ERI1: variants seen among roughly 807,000 people sequenced by gnomAD.
ERI1 encodes the protein 3'-5' exoribonuclease 1.
Under a neutral mutation model 39.7 loss-of-function variants are expected in ERI1, and 39 were observed. That is an observed-to-expected ratio of 0.98 (90% CI 0.76 to 1.28). The LOEUF is 1.28. Among genes scored for constraint, ERI1 ranks in the 50% most tolerant of loss-of-function variants. The pLI is 0.00. For synonymous variants in ERI1, 204 were observed against 149.6 expected (o/e 1.36, Z -2.65); for missense variants, 581 against 416.9 (o/e 1.39, Z -3.43).
At chr8:9,049,635 G>T (rs1447969875) in intron 3 of ERI1, among the ~76,000 whole-genome samples, 1 of 151,974 alleles carries the variant, frequency 6.6e-6, no homozygotes, top group Non-Finnish European at 1.5e-5. Context: ...ATACTTAAAG[G>T]AGTTAAACAA....
intron 3 of ERI1, among the ~76,000 whole-genome samples, chr8:9,097,844 TA>T (rs1376593750): frequency 2.0e-5 from 3 of 151,026 alleles, no homozygotes; most frequent in African/African-American, 7.3e-5. Flanking sequence ...TTTTGTTAAT[TA>T]AAAAAAAATG....
intron 6 of ERI1, 45 bp from the exon 7 acceptor site, chr8:9,029,747 G>C: frequency 1.2e-6 from 2 of 1,609,954 alleles, no homozygotes; most frequent in South Asian, 2.2e-5. Context: ...TTATATTACA[G>C]TTTAGAACAC....
chr8:9,029,046 C>G (rs1178051106), intron 6 of ERI1, among the ~76,000 whole-genome samples: 7 of 146,050 alleles, frequency 4.8e-5, no homozygotes, highest in African/African-American at 1.8e-4. Context: ...TACCACACCA[C>G]ATCGTCTTTC....
chr8:9,045,644 A>C (rs1798150294), intron 3 of ERI1, among the ~76,000 whole-genome samples: 1 of 151,902 alleles, frequency 6.6e-6, no homozygotes, highest in Non-Finnish European at 1.5e-5. Flanking sequence ...TTAAAATATA[A>C]ATAAATCTAA....
intron 3 of ERI1, among the ~76,000 whole-genome samples, chr8:9,071,126 G>C (rs1213337463): frequency 6.6e-6 from 1 of 152,132 alleles, no homozygotes; most frequent in Non-Finnish European, 1.5e-5. Context: ...TATTGAACTC[G>C]CAAGGGAAAG....
intron 3 of ERI1, among the ~76,000 whole-genome samples, chr8:9,088,774 C>G (rs781264648): frequency 4.6e-5 from 7 of 152,194 alleles, no homozygotes; most frequent in Non-Finnish European, 1.0e-4. Flanking sequence ...GAGAATCCAC[C>G]TCATTGCTCA....
intron 3 of ERI1, 82 bp downstream of exon 3, chr8:9,011,834 C>G: frequency 1.9e-6 from 2 of 1,026,696 alleles, no homozygotes; most frequent in Non-Finnish European, 2.7e-6. Flanking sequence ...ACCTCATTTG[C>G]TTTTTAGCCA....
intron 3 of ERI1, among the ~76,000 whole-genome samples, chr8:9,055,292 C>G (rs1798472439): frequency 6.6e-6 from 1 of 152,170 alleles, no homozygotes. Flanking sequence ...AGACTACAGT[C>G]TATTTACAAC....
At chr8:9,039,434 G>T (rs1797950845) in intron 3 of ERI1, among the ~76,000 whole-genome samples, 1 of 152,248 alleles carries the variant, frequency 6.6e-6, no homozygotes, top group African/African-American at 2.4e-5. Context: ...AATTCAGGTT[G>T]TGTTACTGAA....
intron 3 of ERI1, among the ~76,000 whole-genome samples, chr8:9,046,823 C>T (rs1307994866): frequency 4.6e-5 from 7 of 152,164 alleles, no homozygotes; most frequent in Non-Finnish European, 1.0e-4. Context: ...ACAAGCAGGG[C>T]CCACATCGGC....
chr8:9,082,734 A>G (rs1401885870), intron 3 of ERI1, among the ~76,000 whole-genome samples: 1 of 152,196 alleles, frequency 6.6e-6, no homozygotes, highest in Non-Finnish European at 1.5e-5. Flanking sequence ...GTCGGACAGA[A>G]AGTCCACCCT....
chr8:9,050,813 C>T (rs1009764661), intron 3 of ERI1, among the ~76,000 whole-genome samples: 7 of 152,088 alleles, frequency 4.6e-5, no homozygotes, highest in Non-Finnish European at 1.0e-4. Context: ...CTTCTTTATG[C>T]AATAAAAATA....
intron 6 of ERI1, among the ~76,000 whole-genome samples, chr8:9,023,793 CTT>C (rs3083379): frequency 1.9e-3 from 151 of 80,510 alleles, no homozygotes; most frequent in African/African-American, 7.3e-3. Context: ...GTAAAAATGA[CTT>C]TTTTTTTTTT....
At chr8:9,068,153 T>A (rs763272221) in intron 3 of ERI1, among the ~76,000 whole-genome samples, 1 of 152,176 alleles carries the variant, frequency 6.6e-6, no homozygotes, top group Non-Finnish European at 1.5e-5. Context: ...TCTTTTTAAA[T>A]TCAAAAATTT....
At chr8:9,046,424 C>G (rs1426628818) in intron 3 of ERI1, among the ~76,000 whole-genome samples, 2 of 152,204 alleles carry the variant, frequency 1.3e-5, no homozygotes, top group African/African-American at 4.8e-5. Flanking sequence ...TGAGGCCACA[C>G]TGCACACGGC....
At chr8:9,026,324 C>G (rs918083851) in intron 6 of ERI1, among the ~76,000 whole-genome samples, 2 of 152,158 alleles carry the variant, frequency 1.3e-5, no homozygotes, top group Non-Finnish European at 2.9e-5. Context: ...CATTATTGCA[C>G]AACCATCACC....
intron 3 of ERI1, among the ~76,000 whole-genome samples, chr8:9,090,924 A>C (rs1047674928): frequency 1.3e-5 from 2 of 152,156 alleles, no homozygotes; most frequent in African/African-American, 2.4e-5. Context: ...TATTTTATAA[A>C]CTTTTTATAG....
chr8:9,034,594 A>G (rs1377535192), downstream of ERI1, among the ~76,000 whole-genome samples: 1 of 152,008 alleles, frequency 6.6e-6, no homozygotes, highest in Non-Finnish European at 1.5e-5. Context: ...AAGACAACGA[A>G]CTTAATTGAT....
chr8:9,080,467 G>A (rs934915629), intron 3 of ERI1, among the ~76,000 whole-genome samples: 1 of 152,218 alleles, frequency 6.6e-6, no homozygotes, highest in African/African-American at 2.4e-5. Context: ...GACGTGAACA[G>A]CACACATGCT....
Sources: gnomAD v4.1 joint callset for allele counts (sites outside exome capture counted in the v4.1 genomes callset) on GRCh38, gnomAD v4.1.1 for gene constraint, MANE v1.5 for transcripts, NCBI Gene and HGNC (gene_info 2026-07-23, HGNC 2026-07-21) for gene names.